The following CPSF3 variants were observed in gnomAD, a reference collection of about 807,000 sequenced individuals.
CPSF3 encodes the protein cleavage and polyadenylation specificity factor subunit 3.
In CPSF3, 57 loss-of-function variants were observed where a neutral mutation model predicts 84.1. The observed-to-expected ratio is 0.68, with a 90% confidence interval of 0.55 to 0.85. CPSF3 has a LOEUF of 0.85. CPSF3 is among the 40% of genes least tolerant of loss of function. The probability of loss-of-function intolerance (pLI) is 0.00; values close to 1 mark genes in which losing one functional copy is unlikely to be tolerated. For synonymous variants in CPSF3, 275 were observed against 278.1 expected, an observed-to-expected ratio of 0.99 and a Z score of 0.11; for missense variants, 522 against 838.8, an observed-to-expected ratio of 0.62 and a Z score of 4.66.
rs140783223 is a variant in CPSF3 at position 9,457,330 on chromosome 2, T to C, written c.1698+303T>C. Among the ~76,000 whole-genome samples, 402 of 152,262 alleles carry C rather than the reference T, an allele frequency of 2.6e-3. 1 individual carries two copies. Among genetic ancestry groups the C allele is most frequent in the African/African-American group, 8.8e-3 (366 of 41,560 alleles). The stretch of plus-strand genomic sequence containing the variant: ...CCTTTCCTATAAGTCTTACCTGATT[T>C]TGTGGTACTCCAGGATGTCTTTAGT... On this transcript the variant is annotated intron_variant, in intron 14 of 17. Coordinates refer to ENST00000238112, the MANE Select transcript of CPSF3 (RefSeq NM_016207.4).
chr2:9,461,302 A>G lies in CPSF3; in HGVS notation c.1786+1684A>G, dbSNP rs575276758. 4.6e-5 allele frequency among the ~76,000 whole-genome samples: 7 copies of G among 152,332 alleles called. No individual in the cohort carries two copies. In the South Asian group the frequency reaches 1.2e-3, roughly 27 times the overall value. On this transcript the variant is annotated intron_variant, in intron 15 of 17. Transcript: ENST00000238112. ...CAGAAGAATGCCGCAAGATTCTTAC[A>G]TGATGCTCAGTGTCACAGTCTTAAT... is the stretch of plus-strand genomic sequence containing the variant.
chr2:9,434,824 G>A (rs1009082150), intron 6 of CPSF3, among the ~76,000 whole-genome samples: 1 of 152,144 alleles, frequency 6.6e-6, no homozygotes, highest in African/African-American at 2.4e-5. Flanking sequence ...CAAGCTTTTG[G>A]TGTATATAAG....
At chr2:9,470,691 C>T (rs1291452563) in intron 16 of CPSF3, among the ~76,000 whole-genome samples, 9 of 152,178 alleles carry the variant, frequency 5.9e-5, no homozygotes, top group East Asian at 1.9e-4. Flanking sequence ...ATTTGAATGC[C>T]GGCTCAGCTG....
chr2:9,441,727 C>A, intron 8 of CPSF3, 91 bp from the exon 9 acceptor site: 1 of 1,298,510 alleles, frequency 7.7e-7, no homozygotes, highest in Non-Finnish European at 1.1e-6. Flanking sequence ...TGTGATTAAT[C>A]TCTTAGCCTT....
At chr2:9,472,530 C>T (rs1682206747) in intron 17 of CPSF3, among the ~76,000 whole-genome samples, 1 of 152,100 alleles carries the variant, frequency 6.6e-6, no homozygotes, top group African/African-American at 2.4e-5. Context: ...TCACCCCAGC[C>T]TCAAGTCATC....
chr2:9,437,328 TG>T (rs1680818708), intron 7 of CPSF3, among the ~76,000 whole-genome samples: 1 of 152,032 alleles, frequency 6.6e-6, no homozygotes. Context: ...TGCTTGAGCC[TG>T]GGAGGCAGAG....
intron 11 of CPSF3, 62 bp downstream of exon 11, chr2:9,448,412 C>T: frequency 1.5e-5 from 19 of 1,256,716 alleles, no homozygotes; most frequent in Non-Finnish European, 2.1e-5. Flanking sequence ...GACTGTACTT[C>T]TTAAGAAAAT....
chr2:9,436,217 A>G lies in CPSF3; in HGVS notation c.616A>G (p.Thr206Ala), dbSNP rs767374496. 9 of 1,599,676 alleles carry G rather than the reference A, an allele frequency of 5.6e-6. No homozygotes were observed. The highest frequency in any genetic ancestry group is 6.8e-6 in the Non-Finnish European group (8 of 1,174,058). ...CTTCTAATGTATTATTTAGGAATCT[A>G]CTTATGGGACCCATATCCATGAGAA... ...IKPDILIIES[T>A]YGTHIHEKRE... Residue 206 changes from threonine (T) to alanine (A), a missense_variant, in exon 7 of 18, where the codon ACT (threonine) becomes GCT (alanine). Physicochemically the swap from Thr to Ala is moderately conservative, Grantham distance 58 (BLOSUM62 0). Coordinates refer to ENST00000238112, the MANE Select transcript of CPSF3 (RefSeq NM_016207.4).
At chr2:9,451,871 C>T (rs1472815919) in intron 11 of CPSF3, among the ~76,000 whole-genome samples, 2 of 151,964 alleles carry the variant, frequency 1.3e-5, no homozygotes, top group African/African-American at 4.8e-5. Context: ...CGCCCGCCAC[C>T]ACGGCCAGCT....
chr2:9,465,046 A>G (rs933248373), intron 15 of CPSF3, among the ~76,000 whole-genome samples: 7 of 152,192 alleles, frequency 4.6e-5, no homozygotes, highest in Non-Finnish European at 8.8e-5. Context: ...TCACGAATTA[A>G]AAAGAATTAG....
intron 9 of CPSF3, among the ~76,000 whole-genome samples, chr2:9,443,149 G>A (rs1303842069): frequency 6.6e-6 from 1 of 152,186 alleles, no homozygotes; most frequent in Non-Finnish European, 1.5e-5. Context: ...GTGACAAAGT[G>A]AGACCCTATT....
intron 17 of CPSF3, 39 bp downstream of exon 17, chr2:9,471,478 G>T (rs764044679): frequency 8.2e-7 from 1 of 1,218,932 alleles, no homozygotes; most frequent in South Asian, 1.2e-5. Context: ...AGACATTTGG[G>T]AAATAAAGTG....
chr2:9,443,478 G>A, intron 9 of CPSF3, 37 bp from the exon 10 acceptor site: 1 of 1,585,708 alleles, frequency 6.3e-7, no homozygotes, highest in African/African-American at 1.3e-5. Flanking sequence ...ATTATAACTG[G>A]GTAGTTTGTT....
At chr2:9,444,293 A>G (rs1005839519) in intron 10 of CPSF3, among the ~76,000 whole-genome samples, 1 of 151,024 alleles carries the variant, frequency 6.6e-6, no homozygotes, top group African/African-American at 2.4e-5. Context: ...ACACCCGGCT[A>G]ATTTTTGTAT....
chr2:9,465,855 A>G (rs545119832), intron 15 of CPSF3, among the ~76,000 whole-genome samples: 15 of 152,300 alleles, frequency 9.8e-5, no homozygotes, highest in African/African-American at 3.1e-4. Context: ...AATGATGACA[A>G]TATCCATATA....
intron 14 of CPSF3, 120 bp downstream of exon 14, chr2:9,457,147 ATGTGTGTGTGTG>A (rs70948817): frequency 1.2e-3 from 410 of 334,024 alleles, no homozygotes; most frequent in African/African-American, 4.8e-3. Flanking sequence ...TGGAAAGTAT[ATGTGTGTGTGTG>A]TGTGTGTGTG....
intron 15 of CPSF3, among the ~76,000 whole-genome samples, chr2:9,466,330 G>GCA (rs1247046838): frequency 6.4e-4 from 79 of 124,370 alleles, no homozygotes; most frequent in Admixed American, 2.4e-3. Context: ...GCACACAGAC[G>GCA]CACGCACACA....
intron 10 of CPSF3, among the ~76,000 whole-genome samples, chr2:9,446,437 C>T (rs920463933): frequency 1.3e-5 from 2 of 151,828 alleles, no homozygotes; most frequent in East Asian, 1.9e-4. Context: ...AAAAATTAGA[C>T]GGGTGTGGTG....
At chr2:9,442,870 A>G (rs969935514) in intron 9 of CPSF3, among the ~76,000 whole-genome samples, 45 of 152,170 alleles carry the variant, frequency 3.0e-4, no homozygotes, top group African/African-American at 1.0e-3. Flanking sequence ...AAAAGAAAAA[A>G]AAAATTTCCA....
Sources: gnomAD v4.1 joint callset for allele counts (sites outside exome capture counted in the v4.1 genomes callset) on GRCh38, gnomAD v4.1.1 for gene constraint, MANE v1.5 for transcripts, NCBI Gene and HGNC (gene_info 2026-07-23, HGNC 2026-07-21) for gene names.